PCDHA5: variants seen among roughly 807,000 people sequenced by gnomAD.
PCDHA5 encodes protocadherin alpha 5.
In PCDHA5, 43 loss-of-function variants were observed where a neutral mutation model predicts 61.6. The ratio of observed to expected loss-of-function variants is 0.70; its 90% CI spans 0.55 to 0.90. The LOEUF is 0.90. Ranked by LOEUF, PCDHA5 falls within the 40% of genes least tolerant of loss-of-function variation. The pLI is 0.00. For missense variants in PCDHA5, 1,298 were observed against 1,222.7 expected (o/e 1.06, Z -0.92); for synonymous variants, 627 against 543.9 (o/e 1.15, Z -2.13).
intron 1 of PCDHA5, chr5:140,967,575 C>T: frequency 6.2e-7 from 1 of 1,614,156 alleles, no homozygotes. Context: ...CGGGAGGACT[C>T]ACCCCCAGGC....
intron 1 of PCDHA5, among the ~76,000 whole-genome samples, chr5:140,838,860 T>C (rs2150293011): frequency 1.3e-4 from 20 of 151,904 alleles, no homozygotes; most frequent in Non-Finnish European, 2.9e-4. Context: ...AGGTCCAAGC[T>C]GCAGTTATCA....
intron 1 of PCDHA5, chr5:140,850,154 G>C (rs2150469964): frequency 6.3e-7 from 1 of 1,595,410 alleles, no homozygotes; most frequent in Non-Finnish European, 8.6e-7. Flanking sequence ...CGCTGCAGGT[G>C]TTCGTGCTGG....
At chr5:140,968,841 A>G in intron 1 of PCDHA5, 1 of 1,614,222 alleles carries the variant, frequency 6.2e-7, no homozygotes, top group Middle Eastern at 1.6e-4. Context: ...CCTGACACTC[A>G]GAGGCATGTT....
chr5:140,875,654 C>A lies in PCDHA5; in HGVS notation c.2352+51527C>A, dbSNP rs781924559. The stretch of plus-strand genomic sequence containing the variant: ...GGGCTGGAGCTGGCGGAGCTGGTGC[C>A]GCGCCTGTTCCGGGTGGCGTCCAAA... On this transcript the variant is annotated intron_variant, in intron 1 of 3. Transcript: ENST00000529859. 54 of 1,613,584 alleles carry A rather than the reference C, an allele frequency of 3.3e-5. No homozygotes were observed. Among genetic ancestry groups the A allele is most frequent in the African/African-American group, 1.3e-4 (10 of 74,926 alleles).
Position 140,823,494 on chromosome 5 carries a change from C to T in PCDHA5, c.1719C>T (p.Gly573=), listed in dbSNP as rs782300400. The T allele has an allele frequency of 1.9e-6, 3 of 1,613,266 alleles. No individual in the cohort carries two copies. Among genetic ancestry groups the T allele is most frequent in the Non-Finnish European group, 2.5e-6 (3 of 1,179,696 alleles). ...ALLVPRVGGT[G]GAVSELVPRS... is the part of the protein sequence containing the mutation. ...TGGTGCCTCGAGTGGGTGGCACCGG[C>T]GGCGCAGTGAGCGAGCTGGTGCCGA... The change falls in exon 1 of 4, where the codon GGC becomes GGT. Residue 573 remains glycine (G), a synonymous_variant. Coordinates refer to ENST00000529859, the MANE Select transcript of PCDHA5 (RefSeq NM_018908.3).
At chr5:140,846,050 C>T (rs2150384063) in intron 1 of PCDHA5, among the ~76,000 whole-genome samples, 1 of 149,776 alleles carries the variant, frequency 6.7e-6, no homozygotes, top group African/African-American at 2.4e-5. Flanking sequence ...GTTAACACCA[C>T]CTATGTGGGA....
chr5:140,966,740 C>CGGCT (rs2096047340), intron 1 of PCDHA5: 1 of 1,422,580 alleles, frequency 7.0e-7, no homozygotes, highest in African/African-American at 1.5e-5. Flanking sequence ...CGGCCCTGCC[C>CGGCT]GGCTGCCTCC....
At chr5:140,841,233 G>A (rs1777106384) in intron 1 of PCDHA5, 2 of 1,469,626 alleles carry the variant, frequency 1.4e-6, no homozygotes, top group Admixed American at 2.3e-5. Flanking sequence ...AACGGGAGAT[G>A]CAGCGGAATT....
chr5:140,830,293 G>A (rs2150184620), intron 1 of PCDHA5: 3 of 1,613,856 alleles, frequency 1.9e-6, no homozygotes, highest in Non-Finnish European at 2.5e-6. Flanking sequence ...CGTGCACGGC[G>A]GACAAGCCCA....
intron 1 of PCDHA5, chr5:140,841,181 C>G: frequency 2.6e-6 from 3 of 1,156,610 alleles, no homozygotes; most frequent in Non-Finnish European, 3.6e-6. Context: ...GGTCAATGTT[C>G]AAAGTCTTTT....
chr5:140,959,834 G>A (rs1223310946), intron 1 of PCDHA5, among the ~76,000 whole-genome samples: 1 of 152,144 alleles, frequency 6.6e-6, no homozygotes, highest in African/African-American at 2.4e-5. Context: ...AATGTATTAT[G>A]CCTGTAACTG....
chr5:140,969,260 C>T (rs782595245), intron 1 of PCDHA5: 11 of 1,614,110 alleles, frequency 6.8e-6, no homozygotes, highest in Non-Finnish European at 6.8e-6. Flanking sequence ...CAGCAGGAAT[C>T]TCACAGGCCA....
At position 140,829,810 on chromosome 5, in the gene PCDHA5, T is replaced by C. The variant is rs144082627; in HGVS notation, c.2352+5683T>C. The stretch of plus-strand genomic sequence containing the variant: ...TGCTGGCGCCTCGGGTGGGTGGTAC[T>C]GGTGGTGCAGTGAGCGAGCTGGTGC... On this transcript the variant is annotated intron_variant, in intron 1 of 3. Transcript: ENST00000529859. The C allele has an allele frequency of 1.0e-3, 1,632 of 1,613,866 alleles. 19 individuals are homozygous for C. In the African/African-American group the frequency reaches 0.019, roughly 19 times the overall value.
At chr5:140,886,923 A>G (rs2061226884) in intron 1 of PCDHA5, among the ~76,000 whole-genome samples, 1 of 151,812 alleles carries the variant, frequency 6.6e-6, no homozygotes, top group Non-Finnish European at 1.5e-5. Context: ...AGTGTTCTCT[A>G]TGTGCCAGGC....
intron 3 of PCDHA5, among the ~76,000 whole-genome samples, chr5:140,998,586 CAG>C (rs1340236276): frequency 1.4e-5 from 2 of 147,292 alleles, no homozygotes; most frequent in African/African-American, 5.1e-5. Context: ...TTTTTTGAGA[CAG>C]AGTTTTGCTC....
chr5:140,870,078 G>A, intron 1 of PCDHA5: 1 of 1,613,838 alleles, frequency 6.2e-7, no homozygotes, highest in South Asian at 1.1e-5. Flanking sequence ...CAGATAAGGG[G>A]ACTCCCCCAA....
chr5:140,967,684 G>A (rs1404001288), intron 1 of PCDHA5: 2 of 1,614,074 alleles, frequency 1.2e-6, no homozygotes, highest in Non-Finnish European at 8.5e-7. Context: ...GGGAGAGGCA[G>A]CTCTTCAGCA....
At chr5:140,985,519 C>G (rs945399310) in intron 3 of PCDHA5, among the ~76,000 whole-genome samples, 7 of 152,120 alleles carry the variant, frequency 4.6e-5, no homozygotes, top group African/African-American at 1.7e-4. Flanking sequence ...TTCTGTTGCC[C>G]TTAAAGCTTC....
At chr5:140,950,669 G>C (rs1554219570) in intron 1 of PCDHA5, among the ~76,000 whole-genome samples, 1 of 151,992 alleles carries the variant, frequency 6.6e-6, no homozygotes, top group African/African-American at 2.4e-5. Flanking sequence ...TATCAAACAT[G>C]TACATGTATA....
Sources: allele counts gnomAD v4.1 joint callset (sites outside exome capture counted in the v4.1 genomes callset), GRCh38; gene constraint gnomAD v4.1.1; transcripts MANE v1.5; gene names NCBI Gene and HGNC (gene_info 2026-07-23, HGNC 2026-07-21).